The following ADGRV1 variants were observed in gnomAD, a reference collection of about 807,000 sequenced individuals.
ADGRV1 encodes the protein G-protein coupled receptor 98.
ADGRV1 carries 359 observed loss-of-function variants against 596.2 expected under a neutral mutation model. The ratio of observed to expected loss-of-function variants is 0.60; its 90% CI spans 0.55 to 0.66. ADGRV1 has a LOEUF of 0.66. Among genes scored for constraint, ADGRV1 ranks in the 30% least tolerant of loss-of-function variants. The pLI is 0.00. For missense variants in ADGRV1, 7,274 were observed against 7,575.6 expected, an observed-to-expected ratio of 0.96 and a Z score of 1.48; for synonymous variants, 2,681 against 2,679.2, an observed-to-expected ratio of 1.00 and a Z score of -0.02.
In ADGRV1 at chr5:90,693,998, A is replaced by G. The variant is rs367724100; in HGVS notation, c.7242A>G (p.Pro2414=). Residue 2414 remains proline (P), a synonymous_variant, in exon 33 of 90, where the codon CCA becomes CCG. Transcript: ENST00000405460. ...GQDLLSYYES[P]IQGVPDPLWR... is the part of the protein sequence containing the mutation. Reference sequence around the variant, plus strand: ...ATTTACTGTCCTACTATGAATCTCCAATTCAAGGGGTGCCTGACCCACTTT... The same window carrying G: ...ATTTACTGTCCTACTATGAATCTCCGATTCAAGGGGTGCCTGACCCACTTT... 5.6e-6 allele frequency: 9 copies of G among 1,613,432 alleles called. No individual in the cohort carries two copies. Among genetic ancestry groups the G allele is most frequent in the Non-Finnish European group, 7.6e-6 (9 of 1,179,732 alleles).
intron 82 of ADGRV1, among the ~76,000 whole-genome samples, chr5:90,861,317 T>G (rs200425749): frequency 1.3e-5 from 2 of 151,990 alleles, no homozygotes; most frequent in Middle Eastern, 3.2e-3. Context: ...TTTTTTTTGT[T>G]TTTGTTTTTG....
chr5:90,826,597 C>T (rs1274071479), intron 76 of ADGRV1, among the ~76,000 whole-genome samples: 1 of 151,674 alleles, frequency 6.6e-6, no homozygotes, highest in Non-Finnish European at 1.5e-5. Context: ...CAGAGTTGGC[C>T]CTTCATAAGA....
intron 16 of ADGRV1, among the ~76,000 whole-genome samples, chr5:90,647,051 T>C (rs58724654): frequency 0.013 from 1,905 of 152,182 alleles, 34 homozygotes; most frequent in African/African-American, 0.044. Flanking sequence ...GGATTACAGG[T>C]GTGAGCCACT....
rs1786937416 is a variant in ADGRV1 at position 91,056,995 on chromosome 5, A to G, written c.18153-15452A>G. 5.9e-5 allele frequency among the ~76,000 whole-genome samples: 9 copies of G among 152,374 alleles called. No individual in the cohort carries two copies. The South Asian group carries it at 1.9e-3, about 32-fold the overall frequency. Reference sequence around the variant, plus strand: ...GAAATGCCCACTAAAATGATGTATAATATAACCACATTTATTTAAGAATGT... The same window carrying G: ...GAAATGCCCACTAAAATGATGTATAGTATAACCACATTTATTTAAGAATGT... On this transcript the variant is annotated intron_variant, in intron 85 of 89. Coordinates refer to ENST00000405460, the MANE Select transcript of ADGRV1 (RefSeq NM_032119.4).
chr5:90,995,601 T>C (rs1166921335), intron 85 of ADGRV1, among the ~76,000 whole-genome samples: 1 of 152,178 alleles, frequency 6.6e-6, no homozygotes. Context: ...GTTATGAAGA[T>C]ACCTGAAAAG....
At position 90,594,357 on chromosome 5, in the gene ADGRV1, C is replaced by T. The variant is rs558780027; in HGVS notation, c.23-20478C>T. Among the ~76,000 whole-genome samples, 4 of 152,270 alleles carry T rather than the reference C, an allele frequency of 2.6e-5. No homozygotes were observed. The East Asian group carries it at 7.7e-4, about 29-fold the overall frequency. On this transcript the variant is annotated intron_variant, in intron 1 of 89. Coordinates refer to ENST00000405460, the MANE Select transcript of ADGRV1 (RefSeq NM_032119.4). ...GTTCTTCCCCCTTCGCTCAGCACTT[C>T]TCTCTCCTGGGACATGTTTGCTGCT... is the stretch of plus-strand genomic sequence containing the variant.
intron 83 of ADGRV1, among the ~76,000 whole-genome samples, chr5:90,875,894 G>C (rs558730884): frequency 6.6e-6 from 1 of 152,296 alleles, no homozygotes; most frequent in South Asian, 2.1e-4. Flanking sequence ...AATTTTAATA[G>C]TGTTAACTAG....
intron 83 of ADGRV1, among the ~76,000 whole-genome samples, chr5:90,961,269 A>C (rs1777984329): frequency 6.6e-6 from 1 of 151,980 alleles, no homozygotes. Context: ...GGGAGGCCGA[A>C]GCGGGCGGAT....
intron 83 of ADGRV1, among the ~76,000 whole-genome samples, chr5:90,868,887 C>T (rs1446669261): frequency 6.6e-6 from 1 of 152,082 alleles, no homozygotes; most frequent in Non-Finnish European, 1.5e-5. Context: ...GACCATTCAA[C>T]ATTCAATTGT....
chr5:90,716,397 T>C, intron 42 of ADGRV1, 70 bp from the exon 43 acceptor site: 1 of 1,151,846 alleles, frequency 8.7e-7, no homozygotes, highest in Non-Finnish European at 1.2e-6. Flanking sequence ...CAATTAGACA[T>C]CCACACTTTT....
chr5:90,863,039 C>T (rs759062153), intron 82 of ADGRV1, among the ~76,000 whole-genome samples: 7 of 152,128 alleles, frequency 4.6e-5, no homozygotes, highest in Non-Finnish European at 8.8e-5. Flanking sequence ...TTTCAGTAAT[C>T]CTTAGACAAA....
chr5:90,798,911 T>A (rs1025993859), intron 70 of ADGRV1, among the ~76,000 whole-genome samples: 5 of 152,190 alleles, frequency 3.3e-5, no homozygotes, highest in African/African-American at 1.2e-4. Flanking sequence ...AAACTAGGTA[T>A]TGATGGAATG....
intron 83 of ADGRV1, among the ~76,000 whole-genome samples, chr5:90,886,330 T>G (rs1355936279): frequency 6.6e-6 from 1 of 152,184 alleles, no homozygotes; most frequent in Non-Finnish European, 1.5e-5. Flanking sequence ...AACTACCAAC[T>G]GCTAGAGGTT....
At chr5:90,823,623 T>G in intron 76 of ADGRV1, 27 bp downstream of exon 76, 1 of 1,576,742 alleles carries the variant, frequency 6.3e-7, no homozygotes, top group Non-Finnish European at 8.7e-7. Flanking sequence ...CACACTAGTG[T>G]CAACTTCTAA....
intron 83 of ADGRV1, among the ~76,000 whole-genome samples, chr5:90,931,645 G>A (rs1434102351): frequency 6.6e-6 from 1 of 152,008 alleles, no homozygotes; most frequent in Non-Finnish European, 1.5e-5. Flanking sequence ...GTTGAAGTAT[G>A]GAAAACAGCA....
chr5:90,797,365 CAA>C (rs1332686563), intron 70 of ADGRV1, among the ~76,000 whole-genome samples: 2 of 141,658 alleles, frequency 1.4e-5, no homozygotes, highest in Non-Finnish European at 3.1e-5. Context: ...CAACAAAGAT[CAA>C]AAGAGACAAA....
intron 83 of ADGRV1, among the ~76,000 whole-genome samples, chr5:90,938,872 G>A (rs1775937040): frequency 6.6e-6 from 1 of 152,132 alleles, no homozygotes; most frequent in African/African-American, 2.4e-5. Flanking sequence ...TTCAACCCAG[G>A]AAGTATATCT....
intron 83 of ADGRV1, among the ~76,000 whole-genome samples, chr5:90,896,226 A>C (rs1053839770): frequency 1.3e-5 from 2 of 149,772 alleles, no homozygotes; most frequent in Non-Finnish European, 3.0e-5. Context: ...TGAAATAATC[A>C]GATTTTAAAA....
chr5:90,706,483 A>C, intron 38 of ADGRV1, 89 bp downstream of exon 38: 3 of 1,155,886 alleles, frequency 2.6e-6, no homozygotes, highest in Non-Finnish European at 3.6e-6. Context: ...ACAAGTGCAC[A>C]ATGTGCAGGT....
Sources: gnomAD v4.1 joint callset for allele counts (sites outside exome capture counted in the v4.1 genomes callset) on GRCh38, gnomAD v4.1.1 for gene constraint, MANE v1.5 for transcripts, NCBI Gene and HGNC (gene_info 2026-07-23, HGNC 2026-07-21) for gene names.